Variants in NBPF19 observed in about 807,000 individuals in gnomAD.
NBPF19 encodes the protein NBPF family member NBPF19.
A neutral mutation model predicts 45.9 loss-of-function variants in NBPF19; 30 were observed. The observed-to-expected ratio is 0.65, with a 90% confidence interval of 0.49 to 0.89. The LOEUF is 0.89. NBPF19 is among the 40% of genes least tolerant of loss of function. The probability of loss-of-function intolerance (pLI) is 0.00; values close to 1 mark genes in which losing one functional copy is unlikely to be tolerated. For missense variants in NBPF19, 495 were observed against 471.8 expected, an observed-to-expected ratio of 1.05 and a Z score of -0.46; for synonymous variants, 183 against 181.2, an observed-to-expected ratio of 1.01 and a Z score of -0.08.
At chr1:149,480,108 G>A in intron 4 of NBPF19, 34 bp from the exon 5 acceptor site, 1 of 738,368 alleles carries the variant, frequency 1.4e-6, no homozygotes, top group East Asian at 2.5e-5. Flanking sequence ...CTGTGAAGTG[G>A]GAAATATCTG....
chr1:149,554,672 GT>G lies in NBPF19; in HGVS notation c.11472del (p.Phe3824LeufsTer3). 1 of 1,608,206 alleles carries G rather than the reference GT, an allele frequency of 6.2e-7. No individual in the cohort carries two copies. Among genetic ancestry groups the G allele is most frequent in the Non-Finnish European group, 8.5e-7 (1 of 1,176,732 alleles). On this transcript the variant is annotated frameshift_variant, in exon 94 of 94. Transcript: ENST00000651566. LOFTEE classifies it low-confidence loss of function (END_TRUNC). ...ISFALYLDNR[F>X]FTLTVTSLHL... ...GCTTCGCCCTTTACTTGGACAATAG[GT>G]TTTTTACTTTGACGGTGACAAGTCT...
chr1:149,477,013 C>T lies in NBPF19; in HGVS notation c.175+906C>T, dbSNP rs1282352892. On this transcript the variant is annotated intron_variant, in intron 2 of 93. Coordinates refer to ENST00000651566, the MANE Select transcript of NBPF19 (RefSeq NM_001351365.2). ...GTACCTTGGTGAGAGTGAAGTCCTG[C>T]TTCCTGGTGCACAGGCTCTTGTTCC... Among the ~76,000 whole-genome samples the T allele has an allele frequency of 8.0e-4, 120 of 150,624 alleles. 2 individuals carry two copies. Among genetic ancestry groups the T allele is most frequent in the African/African-American group, 2.6e-3 (107 of 41,090 alleles).
intron 8 of NBPF19, 49 bp from the exon 9 acceptor site, chr1:149,487,283 G>A: frequency 5.1e-6 from 7 of 1,367,484 alleles, no homozygotes; most frequent in Non-Finnish European, 7.2e-6. Context: ...ATGTTTCTGT[G>A]TGCAAGGAAG....
chr1:149,486,826 G>A (rs1405217834), intron 8 of NBPF19, among the ~76,000 whole-genome samples: 4,745 of 150,304 alleles, frequency 0.032, 368 homozygotes, highest in East Asian at 0.24. Context: ...TCATGTTCCT[G>A]GTATGTTTTC....
chr1:149,487,578 A>C lies in NBPF19; in HGVS notation c.1040+195A>C, dbSNP rs1339616297. Among the ~76,000 whole-genome samples, 8 of 150,970 alleles carry C rather than the reference A, an allele frequency of 5.3e-5. 1 individual carries two copies. Among genetic ancestry groups the C allele is most frequent in the African/African-American group, 9.7e-5 (4 of 41,052 alleles). ...TTTCTTCCTACCCTTATCATTTACT[A>C]ACCTAGTGAAAGTTGACCATACCTC... is the stretch of plus-strand genomic sequence containing the variant. On this transcript the variant is annotated intron_variant, in intron 9 of 93. Transcript: ENST00000651566.
rs1230682894 is a variant in NBPF19 at position 149,554,751 on chromosome 1, A to T, written c.*13A>T. ...ATTCCCACAATAGGCAGCCCTTACT[A>T]AGCCGAGAGATGTCATTCCTGCAGG... On this transcript the variant is annotated 3_prime_UTR_variant, in exon 94 of 94. Transcript: ENST00000651566. The T allele has an allele frequency of 2.5e-6, 4 of 1,607,700 alleles. No homozygotes were observed. The African/African-American group carries it at 5.4e-5, about 22-fold the overall frequency.
In NBPF19 at chr1:149,556,082, G is replaced by C. The variant is rs1168446198; in HGVS notation, c.*1344G>C. ...TATCATTTATTAATCCTCCCTGCCT[G>C]TGTCTATTATTATATTCATATCTCT... On this transcript the variant is annotated 3_prime_UTR_variant, in exon 94 of 94. Transcript: ENST00000651566. 8.1e-5 allele frequency: 12 copies of C among 147,306 alleles called. 1 individual carries two copies. In the South Asian group the frequency reaches 2.7e-3, roughly 33 times the overall value. 9.1% of individuals were successfully genotyped at this position (147,306 alleles called of 1,614,324 possible).
Position 149,554,695 on chromosome 1 carries a change from G to T in NBPF19, c.11489G>T (p.Ser3830Ile), listed in dbSNP as rs1173191477. The T allele has an allele frequency of 3.5e-5, 56 of 1,608,298 alleles. 1 individual carries two copies. In the Middle Eastern group the frequency reaches 1.1e-3, roughly 32 times the overall value. Residue 3830 changes from serine to isoleucine, a missense_variant, in exon 94 of 94, where the codon AGT becomes ATT. Ser to Ile is a moderately radical substitution (Grantham distance 142). Around this residue, in one of 8 missense-constraint regions of NBPF19, gnomAD observed 248 missense variants for 95.4 expected, o/e 2.60. Transcript: ENST00000651566. ...AGGTTTTTTACTTTGACGGTGACAA[G>T]TCTCCATCTGGTGTTCCAGATGTTA... is the stretch of plus-strand genomic sequence containing the variant. Reference protein sequence around the residue: ...DNRFFTLTVTSLHLVFQMLVI... With the variant: ...DNRFFTLTVTILHLVFQMLVI...
Position 149,478,043 on chromosome 1 carries a change from CTCAGGTGA to C in NBPF19, c.275_278+4del. The C allele has an allele frequency of 6.4e-7, 1 of 1,564,662 alleles. No homozygotes were observed. The highest frequency in any genetic ancestry group is 8.7e-7 in the Non-Finnish European group (1 of 1,143,516). On this transcript the variant is annotated splice_donor_variant and splice_donor_region_variant and coding_sequence_variant and intron_variant, in exon 3 of 94. Coordinates refer to ENST00000651566, the MANE Select transcript of NBPF19 (RefSeq NM_001351365.2). LOFTEE classifies it high-confidence loss of function. ...AGAGCAGCTGAAGCAAGCTGAGGAG[CTCAGGTGA>C]GGGGACCCCGTGGGGGGAGGGCAGG...
chr1:149,487,815 G>A (rs1417164904), intron 9 of NBPF19, among the ~76,000 whole-genome samples, 198 bp from the exon 10 acceptor site: 1 of 144,526 alleles, frequency 6.9e-6, no homozygotes, highest in African/African-American at 2.5e-5. Flanking sequence ...GTGTGTGTGT[G>A]TGTGTGTGTC....
At position 149,554,500 on chromosome 1, in the gene NBPF19, A is replaced by T. The variant is rs1427335101; in HGVS notation, c.11294A>T (p.Asn3765Ile). 1.9e-6 allele frequency: 3 copies of T among 1,607,978 alleles called. No homozygotes were observed. The highest frequency in any genetic ancestry group is 4.5e-5 in the East Asian group (2 of 44,838). Residue 3765 changes from asparagine to isoleucine, a missense_variant, in exon 94 of 94, where the codon AAC becomes ATC. Coordinates refer to ENST00000651566, the MANE Select transcript of NBPF19 (RefSeq NM_001351365.2). The stretch of plus-strand genomic sequence containing the variant: ...AGTTTTGTCTCCTTTTCCAGGCTCA[A>T]CAGCGTGCTGATGGAAGTGGAAGAG... ...EDQNPPCPRL[N>I]SVLMEVEEPE...
chr1:149,479,471 T>C (rs1365696368), intron 4 of NBPF19, among the ~76,000 whole-genome samples: 1 of 150,564 alleles, frequency 6.6e-6, no homozygotes, highest in Non-Finnish European at 1.5e-5. Context: ...CAGTGAGTGA[T>C]TTATCTTTTC....
chr1:149,481,485 T>TG (rs2085185191), intron 6 of NBPF19, among the ~76,000 whole-genome samples: 1 of 136,988 alleles, frequency 7.3e-6, no homozygotes, highest in Non-Finnish European at 1.6e-5. Context: ...TTTTTTTTTT[T>TG]TTTTTTTTTT....
Position 149,478,482 on chromosome 1 carries a change from G to A in NBPF19, c.279-398G>A, listed in dbSNP as rs1232029364. 5.8e-4 allele frequency among the ~76,000 whole-genome samples: 87 copies of A among 150,814 alleles called. 3 individuals carry two copies. The highest frequency in any genetic ancestry group is 1.1e-3 in the African/African-American group (46 of 41,040). ...TTTTCTTCTTTCATCTTTTCAATTC[G>A]CCCCATCTGCACCTGGCCTCATTTC... On this transcript the variant is annotated intron_variant, in intron 3 of 93. Transcript: ENST00000651566.
chr1:149,488,051 T>A lies in NBPF19; in HGVS notation c.1079T>A (p.Val360Asp), dbSNP rs1158233966. The change falls in exon 10 of 94, where the codon GTC becomes GAC. Residue 360 changes from valine (V) to aspartate (D), a missense_variant. This residue lies in a region of NBPF19 where 146 missense variants were observed against 67.3 expected (regional missense o/e 2.17). Transcript: ENST00000651566. ...RELLDEKGPE[V>D]LQDSLDRCYS... The stretch of plus-strand genomic sequence containing the variant: ...CTGCTGGATGAGAAAGGGCCTGAAG[T>A]CTTGCAGGACTCACTGGATAGATGT... 30 of 685,646 alleles carry A rather than the reference T, an allele frequency of 4.4e-5. No individual in the cohort carries two copies. The highest frequency in any genetic ancestry group is 1.5e-4 in the Admixed American group (7 of 46,156). The allele number at this position is 685,646 out of a possible 1,614,324, so 42.5% of individuals were successfully genotyped here. A position where few individuals can be genotyped will look rare whatever the true frequency, so the allele number is the denominator to read the frequency against.
Position 149,487,384 on chromosome 1 carries a change from G to A in NBPF19, c.1040+1G>A, listed in dbSNP as rs1326113549. 2 of 1,515,524 alleles carry A rather than the reference G, an allele frequency of 1.3e-6. No individual in the cohort carries two copies. Among genetic ancestry groups the A allele is most frequent in the African/African-American group, 1.4e-5 (1 of 72,748 alleles). 93.9% of individuals were successfully genotyped at this position (1,515,524 alleles called of 1,614,324 possible). A position where few individuals can be genotyped will look rare whatever the true frequency, so the allele number is the denominator to read the frequency against. Reference sequence around the variant, plus strand: ...AGGACCAAGAGGCAACAGGTCCCAGGTGAGTCTGAGAAATTGTGGACAGTT... The same window carrying A: ...AGGACCAAGAGGCAACAGGTCCCAGATGAGTCTGAGAAATTGTGGACAGTT... On this transcript the variant is annotated splice_donor_variant, in intron 9 of 93. Transcript: ENST00000651566. LOFTEE classifies it high-confidence loss of function.
intron 17 of NBPF19, among the ~76,000 whole-genome samples, chr1:149,494,026 T>C (rs2085975466): frequency 9.4e-6 from 1 of 106,240 alleles, no homozygotes; most frequent in African/African-American, 5.0e-5. Context: ...CCGAGGGCAC[T>C]AACTCAGAGT....
chr1:149,475,433 A>C lies in NBPF19; in HGVS notation c.-398A>C, dbSNP rs2084767346. The stretch of plus-strand genomic sequence containing the variant: ...GAGATAAACAGTGAGGAATATGCTT[A>C]GATGTATTGGGAAAGACATGGGTCT... On this transcript the variant is annotated 5_prime_UTR_variant, in exon 1 of 94. The change abolishes the stop of an existing upstream ORF in the 5' untranslated region. Transcript: ENST00000651566. 6.6e-6 allele frequency among the ~76,000 whole-genome samples: 1 copy of C among 150,894 alleles called. No homozygotes were observed. The highest frequency in any genetic ancestry group is 2.4e-5 in the African/African-American group (1 of 40,970).
chr1:149,484,486 T>TA (rs2085394685), intron 7 of NBPF19, among the ~76,000 whole-genome samples: 1 of 145,002 alleles, frequency 6.9e-6, no homozygotes, highest in South Asian at 2.3e-4. Flanking sequence ...CCCTAAGACT[T>TA]AAAGTATTAA....
Sources: allele counts gnomAD v4.1 joint callset (sites outside exome capture counted in the v4.1 genomes callset), GRCh38; gene constraint gnomAD v4.1.1; regional missense constraint gnomAD v4.1.1; transcripts MANE v1.5; gene names NCBI Gene and HGNC (gene_info 2026-07-23, HGNC 2026-07-21).